The following AIFM1 variants were observed in gnomAD, a reference collection of about 807,000 sequenced individuals.
AIFM1 encodes apoptosis inducing factor mitochondria associated 1.
Under a neutral mutation model 51.7 loss-of-function variants are expected in AIFM1, and 3 were observed. That is an observed-to-expected ratio of 0.06 (90% CI 0.03 to 0.15). The LOEUF (loss-of-function observed/expected upper bound fraction) is 0.15. Ranked by LOEUF, AIFM1 falls within the 10% of genes least tolerant of loss-of-function variation. AIFM1 has a pLI of 1.00. For missense variants in AIFM1, 330 were observed against 476.8 expected (o/e 0.69, Z 2.87); for synonymous variants, 178 against 179.4 (o/e 0.99, Z 0.06).
chrX:130,138,397 G>A (rs372764527), intron 9 of AIFM1, among the ~76,000 whole-genome samples, 196 bp downstream of exon 9: 19 of 111,376 alleles, frequency 1.7e-4, no homozygotes, highest in African/African-American at 2.0e-4. Flanking sequence ...CCCGGGAAGC[G>A]GAGCTTGCAG....
Position 130,149,534 on chromosome X carries a change from T to C in AIFM1, c.284A>G (p.Tyr95Cys), listed in dbSNP as rs2030882411. ...YKTMKEDEKRYNERISGLGLT... is the reference protein window; with the variant it reads ...YKTMKEDEKRCNERISGLGLT... ...CCCTAACCCTGAAATTCTTTCATTG[T>C]ATCTTTTTTCATCCTCTTTCATAGT... Residue 95 changes from tyrosine to cysteine, a missense_variant, in exon 3 of 16, where the codon TAC (tyrosine) becomes TGC (cysteine). By Grantham distance (194) the Tyr-to-Cys change is radical. This residue lies in a region of AIFM1 where 110 missense variants were observed against 103.1 expected (regional missense o/e 1.07). Transcript: ENST00000287295. The C allele has an allele frequency of 1.7e-6, 2 of 1,209,451 alleles. No homozygotes were observed. Among genetic ancestry groups the C allele is most frequent in the Non-Finnish European group, 1.1e-6 (1 of 894,584 alleles).
At chrX:130,158,554 T>A (rs2031243584) in intron 1 of AIFM1, among the ~76,000 whole-genome samples, 1 of 110,538 alleles carries the variant, frequency 9.0e-6, no homozygotes, top group Admixed American at 9.6e-5. Context: ...CTGTTGCTGC[T>A]GCTGCTGTTA....
Position 130,147,445 on chromosome X carries a change from CTG to C in AIFM1, c.605+46_605+47del, listed in dbSNP as rs1458546480. The stretch of plus-strand genomic sequence containing the variant: ...CAGTGGCAAAATCCTAACCTATTCT[CTG>C]TGCTTAGCTGAAGTTGATAGGCTCA... On this transcript the variant is annotated intron_variant, in intron 5 of 15. Coordinates refer to ENST00000287295, the MANE Select transcript of AIFM1 (RefSeq NM_004208.4). 8 of 1,207,574 alleles carry C rather than the reference CTG, an allele frequency of 6.6e-6. No individual in the cohort carries two copies. The Admixed American group carries it at 1.5e-4, about 23-fold the overall frequency.
intron 3 of AIFM1, 62 bp from the exon 4 acceptor site, chrX:130,147,938 G>A (rs2030815920): frequency 1.4e-5 from 17 of 1,189,855 alleles, no homozygotes; most frequent in Non-Finnish European, 1.8e-5. Flanking sequence ...CTTTGCCACT[G>A]TTAAAAAAAA....
At chrX:130,129,707 G>A in intron 15 of AIFM1, 79 bp from the exon 16 acceptor site, 1 of 950,940 alleles carries the variant, frequency 1.1e-6, no homozygotes, top group Admixed American at 2.2e-5. Flanking sequence ...GGGCTACCTG[G>A]GGCAGTCCCC....
intron 1 of AIFM1, among the ~76,000 whole-genome samples, chrX:130,161,089 T>C (rs2047050223): frequency 1.8e-5 from 2 of 111,317 alleles, no homozygotes; most frequent in Admixed American, 9.6e-5. Context: ...TGTTTTTCCA[T>C]ACTCCCAAAA....
chrX:130,153,397 T>C (rs1451621134), intron 2 of AIFM1, among the ~76,000 whole-genome samples: 1 of 108,044 alleles, frequency 9.3e-6, no homozygotes, highest in Non-Finnish European at 1.9e-5. Context: ...CTCCCTTTTT[T>C]TGGAGGGTAA....
chrX:130,144,840 C>T (rs1373891347), intron 6 of AIFM1, among the ~76,000 whole-genome samples: 1 of 112,561 alleles, frequency 8.9e-6, no homozygotes, highest in Non-Finnish European at 1.9e-5. Flanking sequence ...AACCTATATC[C>T]ATCTTCTCTG....
chrX:130,138,334 A>G (rs1371169732), intron 9 of AIFM1, among the ~76,000 whole-genome samples: 4 of 110,054 alleles, frequency 3.6e-5, no homozygotes, highest in African/African-American at 6.6e-5. Flanking sequence ...GCGTGGTTAC[A>G]GGCGCCTGTA....
At chrX:130,135,232 C>T (rs2124650677) in intron 12 of AIFM1, among the ~76,000 whole-genome samples, 1 of 108,805 alleles carries the variant, frequency 9.2e-6, no homozygotes, top group African/African-American at 3.4e-5. Flanking sequence ...GATTACAGGC[C>T]TGTGCCACCA....
intron 5 of AIFM1, 146 bp from the exon 6 acceptor site, chrX:130,145,715 T>C: frequency 2.0e-6 from 1 of 496,339 alleles, no homozygotes. Flanking sequence ...ATCATGGTCA[T>C]GACTTGCTTA....
intron 6 of AIFM1, among the ~76,000 whole-genome samples, chrX:130,144,758 C>T (rs1211568213): frequency 1.8e-5 from 2 of 112,283 alleles, no homozygotes; most frequent in Non-Finnish European, 3.8e-5. Context: ...TACAGTTAGC[C>T]CCTAGAGGGC....
rs1419736568 is a variant in AIFM1, at chrX:130,140,614, C to T, written c.700G>A (p.Val234Ile). Residue 234 changes from valine to isoleucine, a missense_variant, in exon 7 of 16, where the codon GTA becomes ATA. Val to Ile is a conservative substitution (Grantham distance 29). Around this residue, in one of 4 missense-constraint regions of AIFM1, gnomAD observed 152 missense variants for 292.8 expected, o/e 0.52. Transcript: ENST00000287295. ...ATGTTGTCTCTCACATCCAGCTGTACTACCTGGTACAGTCACACACATACA... is the reference window on the plus strand; with the variant it reads ...ATGTTGTCTCTCACATCCAGCTGTATTACCTGGTACAGTCACACACATACA... The part of the protein sequence containing the change: ...GVAVLTGKKV[V>I]QLDVRDNMVK... 1.7e-6 allele frequency: 2 copies of T among 1,195,238 alleles called. No individual in the cohort carries two copies. The highest frequency in any genetic ancestry group is 4.3e-5 in the Admixed American group (2 of 46,074).
At chrX:130,130,784 C>G (rs1210179335) in intron 14 of AIFM1, among the ~76,000 whole-genome samples, 1 of 111,912 alleles carries the variant, frequency 8.9e-6, no homozygotes, top group East Asian at 2.8e-4. Context: ...ATAGTGGAGG[C>G]ATTTCTTCCT....
intron 1 of AIFM1, among the ~76,000 whole-genome samples, chrX:130,162,428 C>T (rs1472887744): frequency 8.9e-6 from 1 of 111,973 alleles, no homozygotes; most frequent in East Asian, 2.8e-4. Context: ...GTTCTCTACT[C>T]GATTCACATG....
rs756600028 is a variant in AIFM1, at chrX:130,137,210, A to C, written c.968-25T>G. The C allele has an allele frequency of 5.8e-6, 7 of 1,210,584 alleles. No homozygotes were observed. In the Admixed American group the frequency reaches 1.3e-4, roughly 23 times the overall value. The stretch of plus-strand genomic sequence containing the variant: ...GCTGGGAAGAAGAAACAGAGTAGTT[A>C]CAGCAGGAAGCAAAAGTCAATCCTA... On this transcript the variant is annotated intron_variant, in intron 9 of 15. Coordinates refer to ENST00000287295, the MANE Select transcript of AIFM1 (RefSeq NM_004208.4).
Position 130,165,597 on chromosome X carries a change from C to A in AIFM1, c.60G>T (p.Val20=). Reference sequence around the variant, plus strand: ...TCGGGCTTCGGACGCACACGGTCCGCACCAAGGGCACCAGCTTCTGCTTCA... The same window carrying A: ...TCGGGCTTCGGACGCACACGGTCCGAACCAAGGGCACCAGCTTCTGCTTCA... ...GALKQKLVPL[V]RTVCVRSPRQ... is the part of the protein sequence containing the mutation. The change falls in exon 1 of 16, where the codon GTG becomes GTT. Residue 20 remains valine (V), a synonymous_variant. Coordinates refer to ENST00000287295, the MANE Select transcript of AIFM1 (RefSeq NM_004208.4). 8.3e-7 allele frequency: 1 copy of A among 1,202,291 alleles called. No homozygotes were observed. Among genetic ancestry groups the A allele is most frequent in the Non-Finnish European group, 1.1e-6 (1 of 890,438 alleles).
chrX:130,147,641 AT>A lies in AIFM1; in HGVS notation c.475-19del. The A allele has an allele frequency of 8.3e-7, 1 of 1,211,986 alleles. No homozygotes were observed. The highest frequency in any genetic ancestry group is 1.1e-6 in the Non-Finnish European group (1 of 895,595). ...ATCAGTACCTTCAGACATAAAAATCATGACGCTTATCAGAGCCAAGTCATTT... is the reference window on the plus strand; with the variant it reads ...ATCAGTACCTTCAGACATAAAAATCAGACGCTTATCAGAGCCAAGTCATTT... On this transcript the variant is annotated intron_variant, in intron 4 of 15. Coordinates refer to ENST00000287295, the MANE Select transcript of AIFM1 (RefSeq NM_004208.4).
At chrX:130,144,317 T>C (rs994516790) in intron 6 of AIFM1, among the ~76,000 whole-genome samples, 1 of 111,580 alleles carries the variant, frequency 9.0e-6, no homozygotes, top group Non-Finnish European at 1.9e-5. Context: ...ATGGTGATTA[T>C]TTAAAATTCA....
Sources: gnomAD v4.1 joint callset for allele counts (sites outside exome capture counted in the v4.1 genomes callset) on GRCh38, gnomAD v4.1.1 for gene constraint, gnomAD v4.1.1 regional missense constraint, MANE v1.5 for transcripts, NCBI Gene and HGNC (gene_info 2026-07-23, HGNC 2026-07-21) for gene names.